Variants in ITGA2 observed in about 807,000 individuals in gnomAD.
ITGA2 encodes integrin alpha-2.
Under a neutral mutation model 146.3 loss-of-function variants are expected in ITGA2, and 101 were observed. The observed-to-expected ratio is 0.69, with a 90% CI of 0.59 to 0.81. The LOEUF (loss-of-function observed/expected upper bound fraction) is 0.81. Among genes scored for constraint, ITGA2 ranks in the 40% least tolerant of loss-of-function variants. ITGA2 has a pLI of 0.00. For synonymous variants in ITGA2, 477 were observed against 487.1 expected (o/e 0.98, Z 0.27); for missense variants, 1,281 against 1,402.7 (o/e 0.91, Z 1.39).
At chr5:53,053,352 G>A (rs1043478691) in intron 7 of ITGA2, among the ~76,000 whole-genome samples, 6 of 152,084 alleles carry the variant, frequency 3.9e-5, no homozygotes, top group African/African-American at 1.4e-4. Flanking sequence ...TTTGGGCCAG[G>A]CCATCTCATA....
In ITGA2 at chr5:53,062,746, A is replaced by T. The variant is rs775491774; in HGVS notation, c.1459-40A>T. ...TCAGTGTAATATTAGAAGTATATGA[A>T]TCCTAGGAATTCTAAGTTTAACATG... is the stretch of plus-strand genomic sequence containing the variant. On this transcript the variant is annotated intron_variant, in intron 12 of 29. Coordinates refer to ENST00000296585, the MANE Select transcript of ITGA2 (RefSeq NM_002203.4). 7 of 1,593,048 alleles carry T rather than the reference A, an allele frequency of 4.4e-6. No individual in the cohort carries two copies. The South Asian group carries it at 7.7e-5, about 18-fold the overall frequency.
intron 7 of ITGA2, among the ~76,000 whole-genome samples, chr5:53,054,865 C>G (rs1376984402): frequency 6.6e-6 from 1 of 152,050 alleles, no homozygotes; most frequent in African/African-American, 2.4e-5. Flanking sequence ...GTGCAAATCT[C>G]ACAAACCACC....
intron 2 of ITGA2, among the ~76,000 whole-genome samples, chr5:53,030,679 A>G (rs1012309960): frequency 5.9e-5 from 9 of 152,230 alleles, no homozygotes; most frequent in Admixed American, 5.2e-4. Context: ...ATGAGGTGCA[A>G]AAAATGCAAA....
rs774870343 is a variant in ITGA2 at position 53,075,286 on chromosome 5, C to G, written c.2807C>G (p.Ala936Gly). ...CTCAAAATTCCTCTCCTGTATGATG[C>G]TGAAATTCACTTAACAAGGTAGGTG... ...VNLKIPLLYD[A>G]EIHLTRSTNI... The change falls in exon 23 of 30, where the codon GCT becomes GGT. Residue 936 changes from alanine to glycine, a missense_variant. Ala to Gly is a moderately conservative substitution (Grantham distance 60). Around this residue, in one of 3 missense-constraint regions of ITGA2, gnomAD observed 475 missense variants for 530.5 expected, o/e 0.90. Transcript: ENST00000296585. The G allele has an allele frequency of 1.2e-6, 2 of 1,612,416 alleles. No individual in the cohort carries two copies. Among genetic ancestry groups the G allele is most frequent in the Non-Finnish European group, 1.7e-6 (2 of 1,179,118 alleles).
At position 53,048,463 on chromosome 5, in the gene ITGA2, C is replaced by T. The variant is rs1327070087; in HGVS notation, c.488C>T (p.Ser163Leu). The T allele has an allele frequency of 1.2e-6, 2 of 1,614,028 alleles. No individual in the cohort carries two copies. Among genetic ancestry groups the T allele is most frequent in the Non-Finnish European group, 8.5e-7 (1 of 1,179,904 alleles). The change falls in exon 5 of 30, where the codon TCA (serine) becomes TTA (leucine). Residue 163 changes from serine (S) to leucine (L), a missense_variant. Ser to Leu is a moderately radical substitution (Grantham distance 145). Coordinates refer to ENST00000296585, the MANE Select transcript of ITGA2 (RefSeq NM_002203.4). ...SPDFQLSASF[S>L]PATQPCPSLI... ...GATTTTCAGCTCTCAGCCAGCTTCT[C>T]ACCTGCAACTCAGCGTAAGTTATTA... is the stretch of plus-strand genomic sequence containing the variant.
At chr5:53,067,386 A>G in intron 16 of ITGA2, 129 bp downstream of exon 16, 1 of 949,718 alleles carries the variant, frequency 1.1e-6, no homozygotes, top group Non-Finnish European at 1.6e-6. Flanking sequence ...AAGTTTCCTT[A>G]CACTGGAGAT....
At chr5:53,062,421 G>A (rs1744942579) in intron 12 of ITGA2, among the ~76,000 whole-genome samples, 2 of 151,782 alleles carry the variant, frequency 1.3e-5, no homozygotes, top group Non-Finnish European at 1.5e-5. Context: ...CCTACAAAAG[G>A]TTTGCCTTAT....
chr5:53,074,366 T>C lies in ITGA2; in HGVS notation c.2572-19T>C, dbSNP rs774207675. 1 of 1,605,014 alleles carries C rather than the reference T, an allele frequency of 6.2e-7. No homozygotes were observed. The highest frequency in any genetic ancestry group is 1.7e-5 in the Admixed American group (1 of 59,794). Reference sequence around the variant, plus strand: ...GTTGTATGCCAATTGATCATTGTTGTTTCCTTGGTCTTGTTCAGGTTGATG... The same window carrying C: ...GTTGTATGCCAATTGATCATTGTTGCTTCCTTGGTCTTGTTCAGGTTGATG... On this transcript the variant is annotated intron_variant, in intron 20 of 29. Transcript: ENST00000296585.
At chr5:53,050,903 C>T (rs1323485781) in intron 6 of ITGA2, among the ~76,000 whole-genome samples, 1 of 152,154 alleles carries the variant, frequency 6.6e-6, no homozygotes, top group African/African-American at 2.4e-5. Context: ...AATAAATAGA[C>T]CTCAATTGAC....
rs746484602 is a variant in ITGA2, at chr5:53,056,151, TA to T, written c.1096+10del. On this transcript the variant is annotated splice_donor_region_variant and intron_variant, in intron 9 of 29. Transcript: ENST00000296585. Reference sequence around the variant, plus strand: ...GAGAACAAATTTTCAGCATTGAAGGTAAAAAAAATAACCTCCTTTCAAGAAT... The same window carrying T: ...GAGAACAAATTTTCAGCATTGAAGGTAAAAAAATAACCTCCTTTCAAGAAT... The T allele has an allele frequency of 1.7e-5, 28 of 1,607,504 alleles. No individual in the cohort carries two copies. The highest frequency in any genetic ancestry group is 7.7e-5 in the South Asian group (7 of 90,500).
intron 25 of ITGA2, 115 bp downstream of exon 25, chr5:53,080,736 C>T: frequency 1.3e-6 from 1 of 783,634 alleles, no homozygotes; most frequent in African/African-American, 1.7e-5. Flanking sequence ...AACTCCTATG[C>T]AGCCTGGGTG....
At position 52,989,411 on chromosome 5, in the gene ITGA2, T is replaced by C. The variant is rs868301350; in HGVS notation, c.-58T>C. 1.9e-6 allele frequency: 3 copies of C among 1,564,200 alleles called. No homozygotes were observed. Among genetic ancestry groups the C allele is most frequent in the Middle Eastern group, 1.7e-4 (1 of 5,974 alleles). On this transcript the variant is annotated 5_prime_UTR_variant, in exon 1 of 30. Transcript: ENST00000296585. ...GGTTCTCGTATCCCTCGGCCAAGGG[T>C]ATCCTCTGCAAACCTCTGCAAACCC... is the stretch of plus-strand genomic sequence containing the variant.
intron 17 of ITGA2, among the ~76,000 whole-genome samples, chr5:53,071,552 G>A (rs1296922211): frequency 6.6e-6 from 1 of 151,848 alleles, no homozygotes; most frequent in East Asian, 1.9e-4. Context: ...AGAGTTAAGA[G>A]TAAGTCCTGC....
intron 1 of ITGA2, among the ~76,000 whole-genome samples, chr5:53,006,862 TA>T (rs201704370): frequency 4.0e-5 from 6 of 151,562 alleles, no homozygotes; most frequent in South Asian, 2.1e-4. Context: ...AACAAAAACA[TA>T]AAAAAAAATT....
At chr5:53,020,001 A>G (rs141902702) in intron 1 of ITGA2, among the ~76,000 whole-genome samples, 1 of 152,214 alleles carries the variant, frequency 6.6e-6, no homozygotes, top group Non-Finnish European at 1.5e-5. Flanking sequence ...AGTATATACC[A>G]TATAGGGTTT....
At chr5:53,002,847 G>C (rs1365654814) in intron 1 of ITGA2, among the ~76,000 whole-genome samples, 2 of 152,134 alleles carry the variant, frequency 1.3e-5, no homozygotes, top group Non-Finnish European at 2.9e-5. Flanking sequence ...CTTGAAGTTT[G>C]ATGGATATAA....
rs887792002 is a variant in ITGA2 at position 53,093,341 on chromosome 5, C to T, written c.*2742C>T. ...CAGGGAGTAGTTGAATTACTATAAA[C>T]CATTAGCCACTTGTCTCTGCACCAT... On this transcript the variant is annotated 3_prime_UTR_variant, in exon 30 of 30. Transcript: ENST00000296585. The T allele has an allele frequency of 6.6e-6, 1 of 152,110 alleles. No individual in the cohort carries two copies. Among genetic ancestry groups the T allele is most frequent in the South Asian group, 2.1e-4 (1 of 4,824 alleles). The allele number at this position is 152,110 out of a possible 1,614,324, so 9.4% of individuals were successfully genotyped here. A position where few individuals can be genotyped will look rare whatever the true frequency, so the allele number is the denominator to read the frequency against.
At chr5:53,038,047 C>T (rs1743574456) in intron 2 of ITGA2, among the ~76,000 whole-genome samples, 1 of 152,182 alleles carries the variant, frequency 6.6e-6, no homozygotes, top group Non-Finnish European at 1.5e-5. Flanking sequence ...GTTATGACCC[C>T]TCCTGTGCTG....
At chr5:53,004,370 G>T (rs373147796) in intron 1 of ITGA2, among the ~76,000 whole-genome samples, 3 of 152,090 alleles carry the variant, frequency 2.0e-5, no homozygotes, top group African/African-American at 7.2e-5. Context: ...GATCGAAGGG[G>T]ATTATAAGTG....
Sources: gnomAD v4.1 joint callset for allele counts (sites outside exome capture counted in the v4.1 genomes callset) on GRCh38, gnomAD v4.1.1 for gene constraint, gnomAD v4.1.1 regional missense constraint, MANE v1.5 for transcripts, NCBI Gene and HGNC (gene_info 2026-07-23, HGNC 2026-07-21) for gene names.